LPP: variants seen among roughly 807,000 people sequenced by gnomAD.
The protein encoded by LPP is LIM domain containing preferred translocation partner in lipoma.
A neutral mutation model predicts 60.4 loss-of-function variants in LPP; 38 were observed. The observed-to-expected ratio is 0.63, with a 90% CI of 0.49 to 0.83. The LOEUF is 0.83. LPP is among the 40% of genes least tolerant of loss of function. The pLI, the probability that LPP is intolerant of heterozygous loss-of-function variation, is 0.00. For missense variants in LPP, 902 were observed against 783.6 expected, an observed-to-expected ratio of 1.15 and a Z score of -1.80; for synonymous variants, 328 against 290.8, an observed-to-expected ratio of 1.13 and a Z score of -1.30.
chr3:188,447,643 T>C (rs1406157028), intron 4 of LPP, among the ~76,000 whole-genome samples: 1 of 144,624 alleles, frequency 6.9e-6, no homozygotes, highest in Non-Finnish European at 1.5e-5. Flanking sequence ...TAACCTGTCA[T>C]GGTGGCATGT....
intron 4 of LPP, among the ~76,000 whole-genome samples, chr3:188,465,797 G>A (rs1800233463): frequency 6.6e-6 from 1 of 152,164 alleles, no homozygotes; most frequent in East Asian, 1.9e-4. Context: ...TTCCATGGTG[G>A]GAATTTTCCG....
intron 3 of LPP, among the ~76,000 whole-genome samples, chr3:188,369,836 C>T (rs1772465406): frequency 6.6e-6 from 1 of 152,144 alleles, no homozygotes; most frequent in Non-Finnish European, 1.5e-5. Flanking sequence ...AAAAGAATCA[C>T]AGACTCAGGT....
At chr3:188,514,910 CT>C (rs1816888992) in intron 5 of LPP, among the ~76,000 whole-genome samples, 1 of 152,084 alleles carries the variant, frequency 6.6e-6, no homozygotes, top group South Asian at 2.1e-4. Context: ...GAAAACATGG[CT>C]GTTTTGGCAA....
At chr3:188,428,331 G>A (rs1790002598) in intron 4 of LPP, among the ~76,000 whole-genome samples, 2 of 152,114 alleles carry the variant, frequency 1.3e-5, no homozygotes, top group Admixed American at 1.3e-4. Context: ...ATCTCTCTGG[G>A]AGCTGCAGAC....
At chr3:188,500,207 T>C (rs1811425972) in intron 5 of LPP, among the ~76,000 whole-genome samples, 1 of 152,170 alleles carries the variant, frequency 6.6e-6, no homozygotes, top group South Asian at 2.1e-4. Flanking sequence ...TCTTTTATCA[T>C]TGAGTATGAT....
chr3:188,620,882 T>C (rs1845681022), intron 7 of LPP, among the ~76,000 whole-genome samples: 1 of 152,214 alleles, frequency 6.6e-6, no homozygotes, highest in African/African-American at 2.4e-5. Flanking sequence ...ACCATGTCTG[T>C]TTCAGTTTTG....
chr3:188,258,610 T>C (rs1732487426), intron 2 of LPP, among the ~76,000 whole-genome samples: 1 of 152,222 alleles, frequency 6.6e-6, no homozygotes, highest in African/African-American at 2.4e-5. Flanking sequence ...GCTTTTTGTT[T>C]GTAAGCATGT....
chr3:188,772,701 GC>G (rs1736463536), intron 9 of LPP, among the ~76,000 whole-genome samples: 1 of 152,030 alleles, frequency 6.6e-6, no homozygotes, highest in African/African-American at 2.4e-5. Flanking sequence ...CACCGTGTTA[GC>G]CAGGATGATC....
chr3:188,462,451 A>G (rs1261612729), intron 4 of LPP, among the ~76,000 whole-genome samples: 1 of 148,430 alleles, frequency 6.7e-6, no homozygotes, highest in African/African-American at 2.5e-5. Flanking sequence ...TATTTAGCCA[A>G]TTTATATGAG....
chr3:188,363,795 C>T (rs942419223), intron 3 of LPP, among the ~76,000 whole-genome samples: 4 of 149,516 alleles, frequency 2.7e-5, no homozygotes, highest in African/African-American at 9.8e-5. Flanking sequence ...ATCCCAACTA[C>T]TAGGGAGGCT....
At position 188,889,467 on chromosome 3, in the gene LPP, C is replaced by A. The variant is rs1406118659; in HGVS notation, c.*14988C>A. 4.3e-6 allele frequency: 1 copy of A among 231,426 alleles called. No homozygotes were observed. Among genetic ancestry groups the A allele is most frequent in the Non-Finnish European group, 8.6e-6 (1 of 116,846 alleles). 14.3% of individuals were successfully genotyped at this position (231,426 alleles called of 1,614,324 possible). A position where few individuals can be genotyped will look rare whatever the true frequency, so the allele number is the denominator to read the frequency against. ...TACACTTGCCAAGTCGTTCCCTTTC[C>A]TTCTAAGTCAGTTGGCTCCATATTC... On this transcript the variant is annotated 3_prime_UTR_variant, in exon 12 of 12. Transcript: ENST00000617246.
intron 3 of LPP, among the ~76,000 whole-genome samples, chr3:188,373,651 G>A (rs1305780790): frequency 1.3e-5 from 2 of 151,976 alleles, no homozygotes; most frequent in Non-Finnish European, 2.9e-5. Context: ...CTCCCATTCT[G>A]TAGGTTGCCT....
At chr3:188,459,193 C>T (rs1330206221) in intron 4 of LPP, among the ~76,000 whole-genome samples, 1 of 152,148 alleles carries the variant, frequency 6.6e-6, no homozygotes, top group Non-Finnish European at 1.5e-5. Context: ...ATTACAGAGA[C>T]TTCCGCCATT....
chr3:188,292,216 A>G (rs1746236162), intron 2 of LPP, among the ~76,000 whole-genome samples: 1 of 152,240 alleles, frequency 6.6e-6, no homozygotes, highest in Admixed American at 6.5e-5. Flanking sequence ...CAGGATGTGC[A>G]AACTTGCTAT....
intron 6 of LPP, among the ~76,000 whole-genome samples, chr3:188,608,120 T>C (rs1842885696): frequency 6.6e-6 from 1 of 152,168 alleles, no homozygotes; most frequent in African/African-American, 2.4e-5. Flanking sequence ...CAATCAGAAT[T>C]AGCTGTGGCC....
chr3:188,490,102 A>G (rs1050194491), intron 5 of LPP, among the ~76,000 whole-genome samples: 5 of 152,150 alleles, frequency 3.3e-5, no homozygotes, highest in Non-Finnish European at 7.4e-5. Flanking sequence ...ATGTCCTCAT[A>G]TTGGTTTTCT....
At chr3:188,856,787 G>A (rs1763936019) in intron 9 of LPP, among the ~76,000 whole-genome samples, 1 of 152,158 alleles carries the variant, frequency 6.6e-6, no homozygotes, top group Admixed American at 6.5e-5. Flanking sequence ...TAGGAATTAT[G>A]AAAGCTGGAC....
In LPP at chr3:188,524,893, G is replaced by T. The variant is rs56275744; in HGVS notation, c.429+106G>T. On this transcript the variant is annotated intron_variant, in intron 6 of 11. Coordinates refer to ENST00000617246, the MANE Select transcript of LPP (RefSeq NM_001375462.1). ...AGCTTATTTCCCCTTCCTTCCTTCC[G>T]TCCGTCCTTCCTTCCTTCCTTCCTT... is the stretch of plus-strand genomic sequence containing the variant. The T allele has an allele frequency of 0.66, 142,367 of 215,504 alleles. 52,155 individuals carry two copies. The highest frequency in any genetic ancestry group is 0.76 in the East Asian group (1,048 of 1,372). The allele number at this position is 215,504 out of a possible 1,614,324, so 13.3% of individuals were successfully genotyped here. A position where few individuals can be genotyped will look rare whatever the true frequency, so the allele number is the denominator to read the frequency against.
intron 3 of LPP, among the ~76,000 whole-genome samples, chr3:188,367,081 A>G (rs1403823767): frequency 6.6e-6 from 1 of 151,998 alleles, no homozygotes; most frequent in African/African-American, 2.4e-5. Flanking sequence ...TATTTTTAGT[A>G]GAGACGGGGT....
Sources: gnomAD v4.1 joint callset for allele counts (sites outside exome capture counted in the v4.1 genomes callset) on GRCh38, gnomAD v4.1.1 for gene constraint, MANE v1.5 for transcripts, NCBI Gene and HGNC (gene_info 2026-07-23, HGNC 2026-07-21) for gene names.